NHSL1: variants seen among roughly 807,000 people sequenced by gnomAD.
NHSL1 encodes the protein NHS like 1.
Under a neutral mutation model 95.0 loss-of-function variants are expected in NHSL1, and 48 were observed. That is an observed-to-expected ratio of 0.51 (90% CI 0.40 to 0.64). The LOEUF (loss-of-function observed/expected upper bound fraction) is 0.64, where lower values mean the gene tolerates loss of function less well. Among genes scored for constraint, NHSL1 ranks in the 30% least tolerant of loss-of-function variants. The probability of loss-of-function intolerance (pLI) is 0.00; values close to 1 mark genes in which losing one functional copy is unlikely to be tolerated. For missense variants in NHSL1, 1,971 were observed against 2,077.7 expected (o/e 0.95, Z 1.00); for synonymous variants, 783 against 833.9 (o/e 0.94, Z 1.05).
chr6:138,512,309 T>TC, intron 1 of NHSL1: 1 of 455,934 alleles, frequency 2.2e-6, no homozygotes, highest in South Asian at 1.6e-5. Context: ...GAGGAATCGG[T>TC]CACAGACTCC....
chr6:138,633,322 A>C (rs988291825), intron 1 of NHSL1, among the ~76,000 whole-genome samples: 2 of 152,246 alleles, frequency 1.3e-5, no homozygotes, highest in Non-Finnish European at 2.9e-5. Flanking sequence ...AGATGAAGAT[A>C]TCACTAGCCA....
rs557859348 is a variant in NHSL1, at chr6:138,431,349, G to C, written c.2996C>G (p.Pro999Arg). Residue 999 changes from proline to arginine, a missense_variant, in exon 6 of 8, where the codon CCC (proline) becomes CGC (arginine). Physicochemically the swap from Pro to Arg is moderately radical, Grantham distance 103. This residue lies in a region of NHSL1 where 1,602 missense variants were observed against 1,654.5 expected (regional missense o/e 0.97). Coordinates refer to ENST00000343505, the MANE Select transcript of NHSL1 (RefSeq NM_001144060.2). This position sits in a 1 kb window ranked among gnomAD's most constrained non-coding sequence, Gnocchi z 4.0. Reference protein sequence around the residue: ...CLSPPRPALSPILPDSPVSLP... With the variant: ...CLSPPRPALSRILPDSPVSLP... The stretch of plus-strand genomic sequence containing the variant: ...GGACACAGGTGAATCTGGAAGAATG[G>C]GGCTCAGTGCAGGGCGGGGAGGAGA... 114 of 1,532,970 alleles carry C rather than the reference G, an allele frequency of 7.4e-5. No individual in the cohort carries two copies. In the East Asian group the frequency reaches 1.7e-3, roughly 23 times the overall value. The allele number at this position is 1,532,970 out of a possible 1,614,324, so 95.0% of individuals were successfully genotyped here. A position where few individuals can be genotyped will look rare whatever the true frequency, so the allele number is the denominator to read the frequency against.
At chr6:138,478,047 T>A (rs1408473599) in intron 2 of NHSL1, among the ~76,000 whole-genome samples, 5 of 109,804 alleles carry the variant, frequency 4.6e-5, no homozygotes, top group Non-Finnish European at 9.3e-5. Context: ...TTTTTGAGAC[T>A]GAGTTTCGCT....
intron 1 of NHSL1, among the ~76,000 whole-genome samples, chr6:138,624,662 C>T (rs1784711986): frequency 6.6e-6 from 1 of 152,166 alleles, no homozygotes; most frequent in Admixed American, 6.5e-5. Context: ...AGGCTCTGCC[C>T]TGCTCAGAAA....
chr6:138,525,552 T>C (rs1781867259), intron 1 of NHSL1, among the ~76,000 whole-genome samples: 1 of 147,802 alleles, frequency 6.8e-6, no homozygotes, highest in African/African-American at 2.5e-5. Flanking sequence ...AATAAATAAA[T>C]AAATAAATAA....
intron 1 of NHSL1, among the ~76,000 whole-genome samples, chr6:138,614,808 T>C (rs764424858): frequency 6.6e-6 from 1 of 152,156 alleles, no homozygotes; most frequent in Non-Finnish European, 1.5e-5. Flanking sequence ...CATAGAAGCA[T>C]GAACCCTATT....
intron 1 of NHSL1, among the ~76,000 whole-genome samples, chr6:138,670,370 T>TAAA (rs750341571): frequency 4.0e-5 from 5 of 125,396 alleles, no homozygotes; most frequent in African/African-American, 1.5e-4. Flanking sequence ...CCGTTGAAGG[T>TAAA]AAAAAAAAAA....
At chr6:138,688,931 G>A (rs7759146) in intron 1 of NHSL1, among the ~76,000 whole-genome samples, 18,186 of 152,148 alleles carry the variant, frequency 0.12, 3,004 homozygotes, top group African/African-American at 0.38. Context: ...TACATTGGTA[G>A]CAGTATTGTA....
At chr6:138,641,326 G>A (rs944122362) in intron 1 of NHSL1, among the ~76,000 whole-genome samples, 3 of 152,154 alleles carry the variant, frequency 2.0e-5, no homozygotes, top group African/African-American at 7.2e-5. Context: ...AGAGAATGCA[G>A]AACGTGAATA....
intron 2 of NHSL1, among the ~76,000 whole-genome samples, chr6:138,482,162 G>A (rs1365323292): frequency 6.6e-6 from 1 of 152,164 alleles, no homozygotes; most frequent in African/African-American, 2.4e-5. Flanking sequence ...AAAAAAAGAA[G>A]ATGAAGCCGG....
intron 1 of NHSL1, among the ~76,000 whole-genome samples, chr6:138,532,829 G>A (rs915245431): frequency 1.3e-5 from 2 of 152,086 alleles, no homozygotes; most frequent in Non-Finnish European, 2.9e-5. Context: ...GGCTCATCCC[G>A]AATGTGTAAT....
intron 5 of NHSL1, among the ~76,000 whole-genome samples, chr6:138,439,974 T>C (rs1776426545): frequency 6.6e-6 from 1 of 152,230 alleles, no homozygotes. Flanking sequence ...TTGGCTTCCA[T>C]ACTGGTTGGT....
chr6:138,652,994 T>G (rs1473539075), intron 1 of NHSL1, among the ~76,000 whole-genome samples: 1 of 152,242 alleles, frequency 6.6e-6, no homozygotes, highest in Non-Finnish European at 1.5e-5. Flanking sequence ...CAGTTGCACT[T>G]GTGCCCACTC....
At chr6:138,639,850 C>T (rs547586860) in intron 1 of NHSL1, among the ~76,000 whole-genome samples, 151 of 134,312 alleles carry the variant, frequency 1.1e-3, no homozygotes, top group African/African-American at 3.9e-3. Flanking sequence ...ATATAAATAA[C>T]CTTCTCATTC....
At chr6:138,439,806 C>T (rs1470333184) in intron 5 of NHSL1, among the ~76,000 whole-genome samples, 1 of 151,726 alleles carries the variant, frequency 6.6e-6, no homozygotes, top group Non-Finnish European at 1.5e-5. Flanking sequence ...CTATTTTCTT[C>T]CCTCCAGCAT....
At chr6:138,692,616 A>AGTC (rs960166203), upstream of NHSL1, 1 of 174,692 alleles carries the variant, frequency 5.7e-6, no homozygotes, top group Non-Finnish European at 1.2e-5. This position sits in a 1 kb window ranked among gnomAD's most constrained non-coding sequence, Gnocchi z 4.0. Context: ...GCAGCGCGAC[A>AGTC]GGTCGGCCAG....
chr6:138,571,759 C>A, exon 1 of NHSL1: 7 of 1,552,306 alleles, frequency 4.5e-6, no homozygotes, highest in Non-Finnish European at 6.1e-6. Context: ...CCACTTCCAC[C>A]TGCTGCCCAC....
At chr6:138,461,402 A>G (rs1777987348) in intron 3 of NHSL1, among the ~76,000 whole-genome samples, 1 of 152,224 alleles carries the variant, frequency 6.6e-6, no homozygotes, top group South Asian at 2.1e-4. Context: ...CAACTTTTAC[A>G]TATTTGGAAG....
At chr6:138,564,368 C>T (rs189040572) in intron 1 of NHSL1, among the ~76,000 whole-genome samples, 107 of 152,252 alleles carry the variant, frequency 7.0e-4, no homozygotes, top group Admixed American at 1.6e-3. Context: ...GAGTGATCTT[C>T]CCAAAACAGG....
Sources: allele counts gnomAD v4.1 joint callset (sites outside exome capture counted in the v4.1 genomes callset), GRCh38; gene constraint gnomAD v4.1.1; regional missense constraint gnomAD v4.1.1; non-coding constraint Gnocchi (gnomAD v3.1); transcripts MANE v1.5; gene names NCBI Gene and HGNC (gene_info 2026-07-23, HGNC 2026-07-21).